CCT8: variants seen among roughly 807,000 people sequenced by gnomAD.
CCT8 encodes the protein chaperonin containing TCP1 subunit 8.
A neutral mutation model predicts 65.7 loss-of-function variants in CCT8; 10 were observed. The ratio of observed to expected loss-of-function variants is 0.15; its 90% CI spans 0.09 to 0.26. The LOEUF (loss-of-function observed/expected upper bound fraction) is 0.26. CCT8 is among the 10% of genes least tolerant of loss of function. The pLI is 1.00. For missense variants in CCT8, 568 were observed against 669.1 expected (o/e 0.85, Z 1.67); for synonymous variants, 199 against 221.8 (o/e 0.90, Z 0.92).
chr21:29,068,800 A>C (rs1214920475), intron 3 of CCT8, among the ~76,000 whole-genome samples: 1 of 152,208 alleles, frequency 6.6e-6, no homozygotes, highest in African/African-American at 2.4e-5. Context: ...AAAAATGTTG[A>C]TTCTTCTATC....
chr21:29,056,698 C>T, intron 14 of CCT8, 146 bp from the exon 15 acceptor site: 2 of 421,240 alleles, frequency 4.7e-6, no homozygotes, highest in Non-Finnish European at 8.3e-6. Flanking sequence ...ACAGAGTTTG[C>T]TAGCTCCCTT....
chr21:29,069,567 C>T, intron 2 of CCT8, 65 bp from the exon 3 acceptor site: 1 of 889,828 alleles, frequency 1.1e-6, no homozygotes, highest in Non-Finnish European at 1.7e-6. Flanking sequence ...CCCCAAATAC[C>T]CAGGAAAATC....
Position 29,061,297 on chromosome 21 carries a change from C to T in CCT8, c.1405G>A (p.Ala469Thr), listed in dbSNP as rs1353432747. 1 of 1,613,810 alleles carries T rather than the reference C, an allele frequency of 6.2e-7. No homozygotes were observed. The highest frequency in any genetic ancestry group is 2.2e-5 in the East Asian group (1 of 44,894). The change falls in exon 13 of 15, where the codon GCA becomes ACA. Residue 469 changes from alanine to threonine, a missense_variant. Coordinates refer to ENST00000286788, the MANE Select transcript of CCT8 (RefSeq NM_006585.4). ...KANEVISKLY[A>T]VHQEGNKNVG... ...TTTTTATTTCCTTCTTGATGTACTG[C>T]ATAAAGTTTAGAGATTACTTCATTG...
At chr21:29,061,182 T>G in intron 13 of CCT8, 71 bp downstream of exon 13, 1 of 1,222,534 alleles carries the variant, frequency 8.2e-7, no homozygotes, top group South Asian at 1.3e-5. Context: ...ATATTTCTTT[T>G]AAACTCATAC....
chr21:29,056,514 T>C lies in CCT8; in HGVS notation c.1608A>G (p.Pro536=). The change falls in exon 15 of 15, where the codon CCA becomes CCG. Residue 536 remains proline (P), a synonymous_variant. Coordinates refer to ENST00000286788, the MANE Select transcript of CCT8 (RefSeq NM_006585.4). The stretch of plus-strand genomic sequence containing the variant: ...CATCATCCCAGTCTTTCTTCCCACT[T>C]GGAGGCTTGGGCCCACCAGCTGGTT... ...MAKPAGGPKP[P]SGKKDWDDDQ... The C allele has an allele frequency of 6.5e-7, 1 of 1,546,834 alleles. No individual in the cohort carries two copies. Among genetic ancestry groups the C allele is most frequent in the South Asian group, 1.2e-5 (1 of 80,754 alleles).
At position 29,069,518 on chromosome 21, in the gene CCT8, T is replaced by TA; in HGVS notation, c.152-17dup. ...TTGTTCATTCCTCAAAAGTAACAGT[T>TA]AAAAAAAGAAAAAGAAAGCCATTAT... On this transcript the variant is annotated splice_polypyrimidine_tract_variant and intron_variant, in intron 2 of 14. Coordinates refer to ENST00000286788, the MANE Select transcript of CCT8 (RefSeq NM_006585.4). 11 of 1,485,996 alleles carry TA rather than the reference T, an allele frequency of 7.4e-6. No individual in the cohort carries two copies. The highest frequency in any genetic ancestry group is 2.2e-5 in the Admixed American group (1 of 44,710). The allele number at this position is 1,485,996 out of a possible 1,614,324, so 92.1% of individuals were successfully genotyped here.
intron 7 of CCT8, 54 bp downstream of exon 7, chr21:29,064,910 TCAAA>T (rs1451327467): frequency 1.4e-5 from 21 of 1,513,558 alleles, no homozygotes; most frequent in Admixed American, 1.7e-5. Flanking sequence ...AAGAGCTAAC[TCAAA>T]CAATCTGAAA....
chr21:29,058,630 C>A (rs1245022984), intron 14 of CCT8, among the ~76,000 whole-genome samples: 1 of 146,246 alleles, frequency 6.8e-6, no homozygotes, highest in African/African-American at 2.5e-5. Flanking sequence ...CTTGCTCTGT[C>A]GCCCAGGCTG....
intron 14 of CCT8, among the ~76,000 whole-genome samples, chr21:29,057,784 GAT>G (rs1017264016): frequency 1.3e-4 from 18 of 136,020 alleles, no homozygotes; most frequent in African/African-American, 3.0e-4. Context: ...ATATATATGA[GAT>G]ATGTATGATA....
At chr21:29,067,781 A>T in intron 3 of CCT8, 76 bp from the exon 4 acceptor site, 1 of 1,119,978 alleles carries the variant, frequency 8.9e-7, no homozygotes, top group Non-Finnish European at 1.2e-6. Context: ...CATTTCTTAA[A>T]TAGACTCAAT....
intron 14 of CCT8, chr21:29,058,282 C>CA (rs930416782): frequency 3.3e-5 from 5 of 150,760 alleles, no homozygotes; most frequent in Admixed American, 1.3e-4. Flanking sequence ...ACTAAAAATA[C>CA]AAAAAAAAAT....
At chr21:29,064,377 T>C (rs903417208) in intron 7 of CCT8, among the ~76,000 whole-genome samples, 1 of 118,034 alleles carries the variant, frequency 8.5e-6, no homozygotes, top group African/African-American at 3.4e-5. Context: ...ATTGTACCAC[T>C]GGACTCAAGC....
At chr21:29,058,487 A>G (rs1285682797) in intron 14 of CCT8, among the ~76,000 whole-genome samples, 1 of 152,116 alleles carries the variant, frequency 6.6e-6, no homozygotes, top group Non-Finnish European at 1.5e-5. Flanking sequence ...CCCAAACTTT[A>G]GTGGGCACCA....
Position 29,064,964 on chromosome 21 carries a change from A to G in CCT8, c.762+4T>C. The G allele has an allele frequency of 6.2e-7, 1 of 1,613,548 alleles. No individual in the cohort carries two copies. Among genetic ancestry groups the G allele is most frequent in the South Asian group, 1.1e-5 (1 of 91,086 alleles). On this transcript the variant is annotated splice_donor_region_variant and intron_variant, in intron 7 of 14. Coordinates refer to ENST00000286788, the MANE Select transcript of CCT8 (RefSeq NM_006585.4). Reference sequence around the variant, plus strand: ...ATTACTTTTAAGGTTTGAAGTCTACATACCTTAGTTTCTGTTATCATGCCA... The same window carrying G: ...ATTACTTTTAAGGTTTGAAGTCTACGTACCTTAGTTTCTGTTATCATGCCA...
intron 7 of CCT8, among the ~76,000 whole-genome samples, chr21:29,064,409 T>TAAAAAAAAAAAAAAAAAAACAA (rs2085597380): frequency 3.7e-5 from 1 of 26,714 alleles, no homozygotes; most frequent in East Asian, 1.4e-3. Flanking sequence ...AGCAAGACTC[T>TAAAAAAAAAAAAAAAAAAACAA]AAAAAAAAAA....
Position 29,062,475 on chromosome 21 carries a change from T to G in CCT8, c.1008+15A>C. ...TCTTGTTCAACTATCTTTTAGTGTT[T>G]TCCAAAATACATACCAATCTAGGAA... On this transcript the variant is annotated intron_variant, in intron 9 of 14. Transcript: ENST00000286788. 1 of 1,613,528 alleles carries G rather than the reference T, an allele frequency of 6.2e-7. No individual in the cohort carries two copies. Among genetic ancestry groups the G allele is most frequent in the East Asian group, 2.2e-5 (1 of 44,872 alleles).
At chr21:29,065,322 G>C (rs895263648) in intron 6 of CCT8, among the ~76,000 whole-genome samples, 1 of 152,208 alleles carries the variant, frequency 6.6e-6, no homozygotes, top group African/African-American at 2.4e-5. Context: ...AGGGAGGGGA[G>C]GTCCTTCCAT....
Position 29,064,484 on chromosome 21 carries a change from C to T in CCT8, c.762+484G>A, listed in dbSNP as rs77396494. Among the ~76,000 whole-genome samples, 1,281 of 151,174 alleles carry T rather than the reference C, an allele frequency of 8.5e-3. 14 individuals are homozygous for T. The highest frequency in any genetic ancestry group is 0.029 in the African/African-American group (1,184 of 41,196). On this transcript the variant is annotated intron_variant, in intron 7 of 14. Coordinates refer to ENST00000286788, the MANE Select transcript of CCT8 (RefSeq NM_006585.4). ...ATATGGACCAAATGACCAGACCCCC[C>T]TCATGCTACAAAATTTTAAAACTAT...
rs1011725777 is a variant in CCT8 at position 29,063,371 on chromosome 21, A to T, written c.922T>A (p.Tyr308Asn). Residue 308 changes from tyrosine (Y) to asparagine (N), a missense_variant, in exon 8 of 15, where the codon TAT becomes AAT. Transcript: ENST00000286788. The stretch of plus-strand genomic sequence containing the variant: ...TCTTACCTCACTAACATGATATTAT[A>T]TTTATTTGCATAATGAAGAGCCATG... ...ADMALHYANK[Y>N]NIMLVRLNSK... is the part of the protein sequence containing the mutation. 1 of 1,613,106 alleles carries T rather than the reference A, an allele frequency of 6.2e-7. No homozygotes were observed. Among genetic ancestry groups the T allele is most frequent in the African/African-American group, 1.3e-5 (1 of 75,018 alleles).
Sources: allele counts gnomAD v4.1 joint callset (sites outside exome capture counted in the v4.1 genomes callset), GRCh38; gene constraint gnomAD v4.1.1; transcripts MANE v1.5; gene names NCBI Gene and HGNC (gene_info 2026-07-23, HGNC 2026-07-21).